The following NT5DC1 variants were observed in gnomAD, a reference collection of about 807,000 sequenced individuals.
NT5DC1 encodes 5'-nucleotidase domain containing 1.
In NT5DC1, 42 loss-of-function variants were observed where a neutral mutation model predicts 59.4. The ratio of observed to expected loss-of-function variants is 0.71; its 90% CI spans 0.55 to 0.92. NT5DC1 has a LOEUF of 0.92. Among genes scored for constraint, NT5DC1 ranks in the 40% least tolerant of loss-of-function variants. The pLI, the probability that NT5DC1 is intolerant of heterozygous loss-of-function variation, is 0.00. For missense variants in NT5DC1, 501 were observed against 537.1 expected, an observed-to-expected ratio of 0.93 and a Z score of 0.66; for synonymous variants, 172 against 188.1, an observed-to-expected ratio of 0.91 and a Z score of 0.70.
chr6:116,182,490 T>A (rs928749305), intron 6 of NT5DC1, among the ~76,000 whole-genome samples: 4 of 152,178 alleles, frequency 2.6e-5, no homozygotes, highest in Non-Finnish European at 5.9e-5. Flanking sequence ...TGTACTAGTT[T>A]ACATACCCAC....
At chr6:116,226,861 G>A (rs1490203023) in intron 8 of NT5DC1, among the ~76,000 whole-genome samples, 1 of 151,690 alleles carries the variant, frequency 6.6e-6, no homozygotes, top group Admixed American at 6.6e-5. Flanking sequence ...TAATTGACAA[G>A]TAAAAATTAT....
At chr6:116,123,056 A>C (rs1779183156) in intron 6 of NT5DC1, among the ~76,000 whole-genome samples, 1 of 152,220 alleles carries the variant, frequency 6.6e-6, no homozygotes, top group Non-Finnish European at 1.5e-5. Context: ...GGAATTTTTT[A>C]ATGGGTTGGA....
At chr6:116,227,655 T>G (rs984906511) in intron 8 of NT5DC1, among the ~76,000 whole-genome samples, 1 of 152,216 alleles carries the variant, frequency 6.6e-6, no homozygotes, top group Admixed American at 6.5e-5. Context: ...TAACAGCCAT[T>G]CTAATAGGTA....
intron 6 of NT5DC1, among the ~76,000 whole-genome samples, chr6:116,215,237 C>T (rs1292612426): frequency 6.6e-6 from 1 of 152,170 alleles, no homozygotes; most frequent in Admixed American, 6.5e-5. Flanking sequence ...ACCCAGCTTT[C>T]TGGAGCAGAA....
Position 116,125,540 on chromosome 6 carries a change from ATT to A in NT5DC1, c.529+7596_529+7597del, listed in dbSNP as rs748219587. ...ACAGAAAAGAATAACTTTATACAGCATTGTTATTAACCTATTTTTTTATTCTC... is the reference window on the plus strand; with the variant it reads ...ACAGAAAAGAATAACTTTATACAGCAGTTATTAACCTATTTTTTTATTCTC... On this transcript the variant is annotated intron_variant, in intron 6 of 11. Coordinates refer to ENST00000319550, the MANE Select transcript of NT5DC1 (RefSeq NM_152729.3). 17 of 1,590,924 alleles carry A rather than the reference ATT, an allele frequency of 1.1e-5. No homozygotes were observed. The East Asian group carries it at 3.6e-4, about 34-fold the overall frequency.
At chr6:116,171,431 G>A (rs1376124559) in intron 6 of NT5DC1, among the ~76,000 whole-genome samples, 1 of 152,106 alleles carries the variant, frequency 6.6e-6, no homozygotes, top group Non-Finnish European at 1.5e-5. Context: ...TATAAAAAAA[G>A]CCAGGCTGTG....
rs1235538161 is a variant in NT5DC1, at chr6:116,248,858, A to G, written c.*4834A>G. The stretch of plus-strand genomic sequence containing the variant: ...AATTGGTTGGTAAGTGAAACCTGTA[A>G]GATGCCTAATTGAGTAATTTAATGA... On this transcript the variant is annotated 3_prime_UTR_variant, in exon 12 of 12. Coordinates refer to ENST00000319550, the MANE Select transcript of NT5DC1 (RefSeq NM_152729.3). 1.3e-5 allele frequency: 2 copies of G among 152,250 alleles called. No homozygotes were observed. Among genetic ancestry groups the G allele is most frequent in the Non-Finnish European group, 2.9e-5 (2 of 68,048 alleles). The allele number at this position is 152,250 out of a possible 1,614,324, so 9.4% of individuals were successfully genotyped here.
intron 6 of NT5DC1, among the ~76,000 whole-genome samples, chr6:116,156,323 AG>A (rs1360347483): frequency 6.6e-6 from 1 of 152,098 alleles, no homozygotes; most frequent in African/African-American, 2.4e-5. Context: ...AATTTTTTTT[AG>A]GTTGTAGATC....
chr6:116,230,903 A>T (rs1316227329), intron 8 of NT5DC1, among the ~76,000 whole-genome samples: 1 of 152,102 alleles, frequency 6.6e-6, no homozygotes, highest in Non-Finnish European at 1.5e-5. Context: ...CGAATGAAGG[A>T]GGCTGAATCC....
chr6:116,200,642 A>G (rs994247498), intron 6 of NT5DC1, among the ~76,000 whole-genome samples: 1 of 152,032 alleles, frequency 6.6e-6, no homozygotes, highest in African/African-American at 2.4e-5. Flanking sequence ...GAGCTCTGGT[A>G]TATAATTCCC....
intron 6 of NT5DC1, among the ~76,000 whole-genome samples, chr6:116,147,048 C>T (rs186883624): frequency 1.4e-3 from 203 of 150,132 alleles, no homozygotes; most frequent in Middle Eastern, 3.4e-3. Context: ...CTTTGAAGTA[C>T]GACCTCAAAC....
At chr6:116,108,849 C>G (rs896287812) in intron 3 of NT5DC1, among the ~76,000 whole-genome samples, 1 of 151,856 alleles carries the variant, frequency 6.6e-6, no homozygotes, top group Non-Finnish European at 1.5e-5. Flanking sequence ...TACCCACCAC[C>G]CTCTCTTTCT....
chr6:116,220,243 T>A (rs1208931660), intron 6 of NT5DC1, among the ~76,000 whole-genome samples: 1 of 151,682 alleles, frequency 6.6e-6, no homozygotes, highest in African/African-American at 2.4e-5. Context: ...GAACAGTATG[T>A]GTTATGAATC....
chr6:116,100,993 G>A lies in NT5DC1; in HGVS notation c.63G>A (p.Leu21=), dbSNP rs766779778. The change falls in exon 1 of 12, where the codon CTG becomes CTA. Residue 21 remains leucine, a synonymous_variant. Transcript: ENST00000319550. ...TCGGATTCGACCTGGACCACACTCT[G>A]TGTCGCTACAACCTGCCCGAGAGCG... ...DVVGFDLDHT[L]CRYNLPESAP... 1.9e-6 allele frequency: 3 copies of A among 1,603,328 alleles called. No individual in the cohort carries two copies. Among genetic ancestry groups the A allele is most frequent in the South Asian group, 2.2e-5 (2 of 89,920 alleles).
chr6:116,243,246 T>A (rs1771771832), intron 11 of NT5DC1, among the ~76,000 whole-genome samples: 1 of 152,188 alleles, frequency 6.6e-6, no homozygotes, highest in Non-Finnish European at 1.5e-5. Flanking sequence ...ATGAAGAAGA[T>A]TATTAGGTCT....
intron 6 of NT5DC1, among the ~76,000 whole-genome samples, chr6:116,145,715 T>G (rs971219009): frequency 8.5e-5 from 13 of 152,274 alleles, no homozygotes; most frequent in African/African-American, 3.1e-4. Context: ...AAATAAAAAA[T>G]AGTTTGTTTC....
chr6:116,124,917 T>C (rs1779247502), intron 6 of NT5DC1, among the ~76,000 whole-genome samples: 2 of 152,212 alleles, frequency 1.3e-5, no homozygotes, highest in South Asian at 4.1e-4. Flanking sequence ...GCTAGTTGAA[T>C]TAGTTTTAAA....
chr6:116,246,305 A>T lies in NT5DC1; in HGVS notation c.*2281A>T, dbSNP rs1479311006. The T allele has an allele frequency of 6.6e-6, 1 of 152,130 alleles. No individual in the cohort carries two copies. Among genetic ancestry groups the T allele is most frequent in the Non-Finnish European group, 1.5e-5 (1 of 67,978 alleles). 9.4% of individuals were successfully genotyped at this position (152,130 alleles called of 1,614,324 possible). On this transcript the variant is annotated 3_prime_UTR_variant, in exon 12 of 12. Coordinates refer to ENST00000319550, the MANE Select transcript of NT5DC1 (RefSeq NM_152729.3). The stretch of plus-strand genomic sequence containing the variant: ...GAGGAAAGATCTGAATGACTCAGTG[A>T]CCAAATGTTTTGTCAGAATCTGGTA...
chr6:116,188,244 A>T (rs1187169535), intron 6 of NT5DC1, among the ~76,000 whole-genome samples: 2 of 152,008 alleles, frequency 1.3e-5, no homozygotes, highest in Non-Finnish European at 2.9e-5. Flanking sequence ...TGCTGGTGGG[A>T]GTGTAAATTG....
Sources: gnomAD v4.1 joint callset for allele counts (sites outside exome capture counted in the v4.1 genomes callset) on GRCh38, gnomAD v4.1.1 for gene constraint, MANE v1.5 for transcripts, NCBI Gene and HGNC (gene_info 2026-07-23, HGNC 2026-07-21) for gene names.